Variants in CHD9 observed in about 807,000 individuals in gnomAD.
CHD9 encodes chromodomain helicase DNA binding protein 9.
CHD9 carries 77 observed loss-of-function variants against 316.1 expected under a neutral mutation model. That is an observed-to-expected ratio of 0.24 (90% CI 0.20 to 0.29). CHD9 has a LOEUF of 0.29. Among genes scored for constraint, CHD9 ranks in the 10% least tolerant of loss-of-function variants. The probability of loss-of-function intolerance (pLI) is 1.00; values close to 1 mark genes in which losing one functional copy is unlikely to be tolerated. For missense variants in CHD9, 2,763 were observed against 3,438.1 expected, an observed-to-expected ratio of 0.80 and a Z score of 4.91; for synonymous variants, 1,129 against 1,158.3, an observed-to-expected ratio of 0.97 and a Z score of 0.51.
At chr16:53,281,261 T>C (rs1357295488) in intron 24 of CHD9, among the ~76,000 whole-genome samples, 1 of 152,192 alleles carries the variant, frequency 6.6e-6, no homozygotes, top group East Asian at 1.9e-4. Context: ...CCAAATCTCC[T>C]GTCTCCAGTC....
intron 2 of CHD9, among the ~76,000 whole-genome samples, chr16:53,171,859 C>G (rs202043003): frequency 0.066 from 3,175 of 48,178 alleles, 28 homozygotes; most frequent in Admixed American, 0.13. Context: ...CACACACACA[C>G]AGACACACAC....
At chr16:53,250,231 G>C (rs988336318) in intron 17 of CHD9, 165 bp downstream of exon 17, 1 of 598,610 alleles carries the variant, frequency 1.7e-6, no homozygotes, top group South Asian at 2.3e-5. Context: ...TAATTGTTAT[G>C]ATAAAAACTA....
intron 37 of CHD9, 59 bp from the exon 38 acceptor site, chr16:53,321,467 G>C: frequency 6.9e-7 from 1 of 1,457,722 alleles, no homozygotes; most frequent in Non-Finnish European, 9.1e-7. Context: ...TACAATAAAA[G>C]CAATCAAGAG....
In CHD9 at chr16:53,243,060, A is replaced by G. The variant is rs370864973; in HGVS notation, c.3054+44A>G. 1.3e-4 allele frequency: 175 copies of G among 1,398,578 alleles called. 1 individual carries two copies. In the South Asian group the frequency reaches 2.0e-3, roughly 16 times the overall value. The allele number at this position is 1,398,578 out of a possible 1,614,324, so 86.6% of individuals were successfully genotyped here. On this transcript the variant is annotated intron_variant, in intron 13 of 38. Transcript: ENST00000447540. Reference sequence around the variant, plus strand: ...TCATTATGACAATTGAGTTTATTAGATGTATAGTGAAAGGTTATAGAGTTA... The same window carrying G: ...TCATTATGACAATTGAGTTTATTAGGTGTATAGTGAAAGGTTATAGAGTTA...
At chr16:53,265,149 C>T (rs2051528939) in intron 20 of CHD9, among the ~76,000 whole-genome samples, 1 of 151,996 alleles carries the variant, frequency 6.6e-6, no homozygotes, top group Non-Finnish European at 1.5e-5. Flanking sequence ...CTGTATAATT[C>T]CAGCACTTCA....
At chr16:53,188,919 T>C (rs148837336) in intron 2 of CHD9, among the ~76,000 whole-genome samples, 1 of 152,062 alleles carries the variant, frequency 6.6e-6, no homozygotes, top group East Asian at 1.9e-4. Flanking sequence ...TCTATTCAGA[T>C]CTTTTGCCCA....
intron 20 of CHD9, among the ~76,000 whole-genome samples, chr16:53,264,970 A>G (rs1597716584): frequency 6.6e-6 from 1 of 152,214 alleles, no homozygotes; most frequent in East Asian, 1.9e-4. Context: ...GGATTTTGTA[A>G]ATAAACTTAT....
rs34506729 is a variant in CHD9, at chr16:53,288,285, AAC to A, written c.5247+275_5247+276del. 5.1e-3 allele frequency among the ~76,000 whole-genome samples: 782 copies of A among 152,260 alleles called. 5 individuals are homozygous for A. The highest frequency in any genetic ancestry group is 8.7e-3 in the Non-Finnish European group (594 of 68,012). Reference sequence around the variant, plus strand: ...CCTGCTCTACTTCTTAGAGCTAAGAAACACAGTGTCCAAGGGCAAAATCCCAA... The same window carrying A: ...CCTGCTCTACTTCTTAGAGCTAAGAAACAGTGTCCAAGGGCAAAATCCCAA... On this transcript the variant is annotated intron_variant, in intron 27 of 38. Coordinates refer to ENST00000447540, the MANE Select transcript of CHD9 (RefSeq NM_001308319.2).
chr16:53,233,073 A>G (rs1398153527), intron 10 of CHD9, among the ~76,000 whole-genome samples: 1 of 152,036 alleles, frequency 6.6e-6, no homozygotes, highest in African/African-American at 2.4e-5. Flanking sequence ...ATTCAGTTCT[A>G]CCCAGCTCTA....
intron 1 of CHD9, among the ~76,000 whole-genome samples, chr16:53,103,172 A>T (rs1456201697): frequency 6.8e-6 from 1 of 147,094 alleles, no homozygotes; most frequent in Non-Finnish European, 1.5e-5. Flanking sequence ...AAAAAAAAAA[A>T]AAAGGTAGAT....
chr16:53,155,770 G>A (rs757423278), intron 1 of CHD9, among the ~76,000 whole-genome samples, 156 bp from the exon 2 acceptor site: 3 of 151,972 alleles, frequency 2.0e-5, no homozygotes, highest in Non-Finnish European at 2.9e-5. Flanking sequence ...ATATATACTT[G>A]CCTACTTTTG....
At chr16:53,188,552 C>G (rs1231707437) in intron 2 of CHD9, among the ~76,000 whole-genome samples, 1 of 146,726 alleles carries the variant, frequency 6.8e-6, no homozygotes, top group African/African-American at 2.5e-5. Context: ...TTGCATTTCC[C>G]TGATTGCTAA....
intron 38 of CHD9, among the ~76,000 whole-genome samples, chr16:53,323,014 CGAAT>C (rs2057374685): frequency 6.6e-6 from 1 of 152,052 alleles, no homozygotes; most frequent in Admixed American, 6.6e-5. Context: ...AAACAATAGT[CGAAT>C]GAGTCTTGTC....
chr16:53,152,202 G>A (rs1232094642), intron 1 of CHD9, among the ~76,000 whole-genome samples: 2 of 152,124 alleles, frequency 1.3e-5, no homozygotes, highest in Non-Finnish European at 2.9e-5. Context: ...GTTGTCTGAG[G>A]TTACTGAAGC....
chr16:53,218,082 C>T (rs570369861), intron 3 of CHD9, among the ~76,000 whole-genome samples: 13 of 151,990 alleles, frequency 8.6e-5, no homozygotes, highest in East Asian at 5.8e-4. Context: ...ATCATGGAAA[C>T]GTACCCTTTT....
intron 2 of CHD9, among the ~76,000 whole-genome samples, chr16:53,204,105 GTTTC>G (rs990401313): frequency 1.2e-4 from 16 of 131,126 alleles, no homozygotes; most frequent in Non-Finnish European, 2.3e-4. Flanking sequence ...CAAGTAGAAT[GTTTC>G]TTTATCTAGA....
At chr16:53,232,042 A>G (rs1222344079) in intron 10 of CHD9, among the ~76,000 whole-genome samples, 1 of 152,188 alleles carries the variant, frequency 6.6e-6, no homozygotes, top group Non-Finnish European at 1.5e-5. Flanking sequence ...AAGGAAATGA[A>G]TTAAATATTC....
chr16:53,173,680 G>GA (rs1427828047), intron 2 of CHD9, among the ~76,000 whole-genome samples: 3 of 152,012 alleles, frequency 2.0e-5, no homozygotes, highest in Non-Finnish European at 4.4e-5. Context: ...GAGTAGCTGG[G>GA]ACTACGGGTG....
intron 2 of CHD9, among the ~76,000 whole-genome samples, chr16:53,189,514 G>A (rs949887245): frequency 6.6e-6 from 1 of 151,308 alleles, no homozygotes; most frequent in South Asian, 2.1e-4. Context: ...CCTACTTGTC[G>A]ATGGTATGTA....
Sources: gnomAD v4.1 joint callset for allele counts (sites outside exome capture counted in the v4.1 genomes callset) on GRCh38, gnomAD v4.1.1 for gene constraint, MANE v1.5 for transcripts, NCBI Gene and HGNC (gene_info 2026-07-23, HGNC 2026-07-21) for gene names.